The following FNDC1 variants were observed in gnomAD, a reference collection of about 807,000 sequenced individuals.
The protein encoded by FNDC1 is fibronectin type III domain-containing protein 1.
A neutral mutation model predicts 168.0 loss-of-function variants in FNDC1; 96 were observed. The ratio of observed to expected loss-of-function variants is 0.57; its 90% confidence interval spans 0.48 to 0.68. FNDC1 has a LOEUF of 0.68. Among genes scored for constraint, FNDC1 ranks in the 30% least tolerant of loss-of-function variants. FNDC1 has a pLI of 0.00. For synonymous variants in FNDC1, 1,099 were observed against 1,025.9 expected (o/e 1.07, Z -1.36); for missense variants, 2,587 against 2,482.1 (o/e 1.04, Z -0.90).
chr6:159,242,444 C>T (rs893787551), intron 14 of FNDC1, among the ~76,000 whole-genome samples: 1 of 152,106 alleles, frequency 6.6e-6, no homozygotes, highest in African/African-American at 2.4e-5. Context: ...ACATGTTTAC[C>T]TGTGTAACAA....
chr6:159,225,870 A>G (rs941650009), intron 8 of FNDC1, 148 bp downstream of exon 8: 2 of 700,320 alleles, frequency 2.9e-6, no homozygotes, highest in South Asian at 4.2e-5. Context: ...TAGAGTTTCT[A>G]TGCGTACATG....
chr6:159,254,460 C>T (rs542357730), intron 17 of FNDC1, among the ~76,000 whole-genome samples: 11 of 152,174 alleles, frequency 7.2e-5, no homozygotes, highest in Non-Finnish European at 1.5e-4. Flanking sequence ...GATGTCATCA[C>T]TGGGATGTCT....
At chr6:159,208,868 A>G (rs1433187054) in intron 4 of FNDC1, among the ~76,000 whole-genome samples, 1 of 77,170 alleles carries the variant, frequency 1.3e-5, no homozygotes, top group Non-Finnish European at 2.4e-5. Context: ...TTTTTTTGAG[A>G]CAGAGTCTCG....
At chr6:159,269,708 A>C (rs1158104462) in intron 22 of FNDC1, among the ~76,000 whole-genome samples, 1 of 152,118 alleles carries the variant, frequency 6.6e-6, no homozygotes, top group African/African-American at 2.4e-5. Flanking sequence ...CAAAATCTGC[A>C]GGGTAGGTTG....
intron 4 of FNDC1, among the ~76,000 whole-genome samples, chr6:159,204,368 G>T (rs79664038): frequency 6.6e-6 from 1 of 152,070 alleles, no homozygotes; most frequent in Non-Finnish European, 1.5e-5. Context: ...TGGAGTTAAA[G>T]TTACAGATAG....
chr6:159,229,839 C>T lies in FNDC1; in HGVS notation c.1205C>T (p.Ala402Val). 1 of 1,613,204 alleles carries T rather than the reference C, an allele frequency of 6.2e-7. No individual in the cohort carries two copies. Among genetic ancestry groups the T allele is most frequent in the African/African-American group, 1.3e-5 (1 of 75,038 alleles). ...GAATACATTCTTTCATACGCCCCGGCTCTCAAACCATTTGGAGCAAAGTCC... is the reference window on the plus strand; with the variant it reads ...GAATACATTCTTTCATACGCCCCGGTTCTCAAACCATTTGGAGCAAAGTCC... ...VKEYILSYAPALKPFGAKSLT... is the reference protein window; with the variant it reads ...VKEYILSYAPVLKPFGAKSLT... The change falls in exon 10 of 23, where the codon GCT (alanine) becomes GTT (valine). Residue 402 changes from alanine to valine, a missense_variant. Physicochemically the swap from Ala to Val is moderately conservative, Grantham distance 64. Transcript: ENST00000297267.
rs1283263699 is a variant in FNDC1 at position 159,232,993 on chromosome 6, C to T, written c.2481C>T (p.Ala827=). 1.2e-6 allele frequency: 2 copies of T among 1,612,436 alleles called. No individual in the cohort carries two copies. Among genetic ancestry groups the T allele is most frequent in the Non-Finnish European group, 1.7e-6 (2 of 1,179,656 alleles). Residue 827 remains alanine, a synonymous_variant, in exon 11 of 23, where the codon GCC becomes GCT. Transcript: ENST00000297267. This position sits in a 1 kb window ranked among gnomAD's most constrained non-coding sequence, Gnocchi z 4.9. ...TGCTCAGACACAAACCCTTTGCTGC[C>T]AACGGGAGGTCTCCAAGCAGGTTCA... ...FHLLRHKPFA[A]NGRSPSRFSI... is the part of the protein sequence containing the mutation.
At chr6:159,189,892 C>G (rs1782094778) in intron 1 of FNDC1, among the ~76,000 whole-genome samples, 1 of 152,106 alleles carries the variant, frequency 6.6e-6, no homozygotes, top group African/African-American at 2.4e-5. Context: ...TCATCTCATT[C>G]CTGGGACTGT....
intron 14 of FNDC1, 74 bp from the exon 15 acceptor site, chr6:159,246,827 C>A (rs1777146324): frequency 9.6e-7 from 1 of 1,040,292 alleles, no homozygotes; most frequent in Non-Finnish European, 1.5e-6. Flanking sequence ...AATTGTCACG[C>A]TCTGGGGCCT....
chr6:159,184,130 C>T (rs1781943856), intron 1 of FNDC1, among the ~76,000 whole-genome samples: 1 of 152,168 alleles, frequency 6.6e-6, no homozygotes, highest in Non-Finnish European at 1.5e-5. Context: ...AATGCGAACA[C>T]CAAAGTGCAG....
chr6:159,233,208 G>C lies in FNDC1; in HGVS notation c.2696G>C (p.Arg899Thr), dbSNP rs546087312. The C allele has an allele frequency of 1.9e-6, 3 of 1,613,266 alleles. No individual in the cohort carries two copies. In the East Asian group the frequency reaches 6.7e-5, roughly 36 times the overall value. The change falls in exon 11 of 23, where the codon AGG (arginine) becomes ACG (threonine). Residue 899 changes from arginine to threonine, a missense_variant. Transcript: ENST00000297267. The surrounding 1 kb of genome is among the most constrained non-coding windows in gnomAD (Gnocchi z 4.6). ...AATGACCACGTGCCTTCCTCCTCCA[G>C]GCAGCCCATCTCCCGGGGCTGGGAG... ...VVNDHVPSSS[R>T]QPISRGWEDL...
intron 21 of FNDC1, among the ~76,000 whole-genome samples, chr6:159,266,680 GTTT>G (rs10616860): frequency 0.049 from 6,997 of 143,896 alleles, 426 homozygotes; most frequent in African/African-American, 0.16. Flanking sequence ...GAAATCTAGG[GTTT>G]TTTTTTTTTT....
chr6:159,211,041 T>C (rs1434910271), intron 4 of FNDC1, among the ~76,000 whole-genome samples: 1 of 152,138 alleles, frequency 6.6e-6, no homozygotes, highest in Non-Finnish European at 1.5e-5. Context: ...CCTAAATGGC[T>C]GGACACCCCC....
intron 7 of FNDC1, 113 bp downstream of exon 7, chr6:159,223,758 T>C (rs1782896269): frequency 3.1e-6 from 2 of 644,268 alleles, no homozygotes; most frequent in South Asian, 4.0e-5. Context: ...CTGGTCTCTT[T>C]TGTAGCTGAA....
chr6:159,205,448 A>G (rs1382107261), intron 4 of FNDC1, among the ~76,000 whole-genome samples: 3 of 152,180 alleles, frequency 2.0e-5, no homozygotes, highest in African/African-American at 4.8e-5. Context: ...CTGTCTCTCC[A>G]ATCTGCTGAT....
intron 9 of FNDC1, among the ~76,000 whole-genome samples, chr6:159,228,544 CGTT>C (rs968071140): frequency 3.3e-5 from 5 of 150,892 alleles, no homozygotes; most frequent in African/African-American, 1.2e-4. Context: ...TTGGTTGAAA[CGTT>C]TTTTTTTTAA....
intron 1 of FNDC1, among the ~76,000 whole-genome samples, chr6:159,190,134 C>T (rs926230830): frequency 3.9e-5 from 6 of 152,144 alleles, no homozygotes; most frequent in Non-Finnish European, 8.8e-5. Flanking sequence ...GAAGGTGGCG[C>T]GAGGTGGTCC....
intron 1 of FNDC1, among the ~76,000 whole-genome samples, chr6:159,176,718 C>T (rs746308724): frequency 5.9e-5 from 9 of 152,046 alleles, no homozygotes; most frequent in Non-Finnish European, 8.8e-5. Flanking sequence ...TGGTGGCCAC[C>T]GAGGGAGTGC....
At chr6:159,206,852 C>T (rs1458970521) in intron 4 of FNDC1, among the ~76,000 whole-genome samples, 1 of 152,160 alleles carries the variant, frequency 6.6e-6, no homozygotes. Context: ...GGTGGCCTGC[C>T]CACTACTCCC....
Sources: allele counts gnomAD v4.1 joint callset (sites outside exome capture counted in the v4.1 genomes callset), GRCh38; gene constraint gnomAD v4.1.1; non-coding constraint Gnocchi (gnomAD v3.1); transcripts MANE v1.5; gene names NCBI Gene and HGNC (gene_info 2026-07-23, HGNC 2026-07-21).